The following CIMAP1D variants were observed in gnomAD, a reference collection of about 807,000 sequenced individuals.
CIMAP1D encodes CIMAP1 family member D.
the CIMAP1D span, among the ~76,000 whole-genome samples, chr19:482,858 C>T: frequency 1.3e-5 from 2 of 152,158 alleles, no homozygotes; most frequent in African/African-American, 4.8e-5. Context: ...AGCCCCGCCC[C>T]TCGACGGGCA....
the CIMAP1D span, among the ~76,000 whole-genome samples, chr19:476,946 C>CCTGT: frequency 6.6e-6 from 1 of 152,108 alleles, no homozygotes; most frequent in African/African-American, 2.4e-5. Context: ...GCGGCTCACA[C>CCTGT]CTGTAATCCC....
chr19:466,016 G>A, the CIMAP1D span, among the ~76,000 whole-genome samples: 2 of 147,998 alleles, frequency 1.4e-5, no homozygotes, highest in African/African-American at 5.2e-5. Flanking sequence ...CTGGAAGGAC[G>A]GGTGGATAGA....
chr19:491,598 G>C, the CIMAP1D span, among the ~76,000 whole-genome samples: 3 of 151,792 alleles, frequency 2.0e-5, no homozygotes, highest in Non-Finnish European at 1.5e-5. Context: ...CAGGGCCCCA[G>C]GCCTCGCCGC....
At chr19:484,866 G>A in the CIMAP1D span, among the ~76,000 whole-genome samples, 3 of 152,286 alleles carry the variant, frequency 2.0e-5, no homozygotes, top group African/African-American at 7.2e-5. Context: ...GGCCTCTGCT[G>A]GAGCAGAGGA....
chr19:473,077 G>A, the CIMAP1D span, among the ~76,000 whole-genome samples: 30 of 119,238 alleles, frequency 2.5e-4, no homozygotes, highest in South Asian at 8.1e-4. Context: ...CAGATGGGGA[G>A]ACTGAGGCCC....
the CIMAP1D span, among the ~76,000 whole-genome samples, chr19:480,219 G>A: frequency 2.6e-5 from 4 of 152,270 alleles, no homozygotes; most frequent in Non-Finnish European, 4.4e-5. Context: ...CGAGGCCCGT[G>A]CAGCTGGAGC....
the CIMAP1D span, chr19:475,099 G>A: frequency 4.5e-6 from 1 of 224,526 alleles, no homozygotes; most frequent in Non-Finnish European, 8.7e-6. Context: ...AACTAGACCT[G>A]CAAACATGAC....
At chr19:473,315 A>G in the CIMAP1D span, among the ~76,000 whole-genome samples, 3 of 20,748 alleles carry the variant, frequency 1.4e-4, no homozygotes, top group African/African-American at 1.8e-3. Context: ...GCAGAGATAC[A>G]TGGTCACAGA....
At chr19:483,234 C>A in the CIMAP1D span, among the ~76,000 whole-genome samples, 1 of 151,714 alleles carries the variant, frequency 6.6e-6, no homozygotes, top group Non-Finnish European at 1.5e-5. Context: ...CAGCCACGGC[C>A]CAGTCCAGGG....
chr19:469,747 C>A, the CIMAP1D span, among the ~76,000 whole-genome samples: 7 of 152,216 alleles, frequency 4.6e-5, no homozygotes, highest in South Asian at 1.5e-3. Flanking sequence ...CGCCCCTCCA[C>A]AGATGCCTGG....
chr19:464,890 TGATGGATGGATGGATG>T, the CIMAP1D span, among the ~76,000 whole-genome samples: 4 of 148,184 alleles, frequency 2.7e-5, no homozygotes, highest in South Asian at 2.2e-4. Context: ...GATGAGTGGA[TGATGGATGGATGGATG>T]GATGGATGGA....
At chr19:481,770 CTTTTTTTTT>C in the CIMAP1D span, among the ~76,000 whole-genome samples, 3 of 106,774 alleles carry the variant, frequency 2.8e-5, no homozygotes, top group African/African-American at 6.6e-5. Context: ...GAACCTCCTA[CTTTTTTTTT>C]TTTTTTTTTT....
the CIMAP1D span, among the ~76,000 whole-genome samples, chr19:480,901 G>C: frequency 2.1e-5 from 3 of 141,534 alleles, no homozygotes; most frequent in Admixed American, 7.1e-5. Context: ...TGATGGAGAA[G>C]GAATGTGGGA....
At chr19:485,615 C>A in the CIMAP1D span, among the ~76,000 whole-genome samples, 7 of 152,236 alleles carry the variant, frequency 4.6e-5, no homozygotes, top group African/African-American at 7.2e-5. Flanking sequence ...GATCCTCCCA[C>A]CTCAGCCCCC....
chr19:472,120 T>C, the CIMAP1D span, among the ~76,000 whole-genome samples: 13 of 152,338 alleles, frequency 8.5e-5, no homozygotes, highest in East Asian at 1.3e-3. Context: ...CAGCAAGGAA[T>C]TGCAAACACG....
At chr19:485,285 C>A in the CIMAP1D span, among the ~76,000 whole-genome samples, 1 of 152,218 alleles carries the variant, frequency 6.6e-6, no homozygotes, top group African/African-American at 2.4e-5. Context: ...CACACACACG[C>A]GTGCTCACAT....
At chr19:464,256 G>T in the CIMAP1D span, 1 of 1,536,132 alleles carries the variant, frequency 6.5e-7, no homozygotes, top group Admixed American at 2.2e-5. Flanking sequence ...GGTGTCCAGG[G>T]GCTTCAGGGG....
chr19:476,709 A>G, the CIMAP1D span, among the ~76,000 whole-genome samples: 14 of 152,202 alleles, frequency 9.2e-5, no homozygotes, highest in African/African-American at 2.7e-4. Context: ...AATAGAAATC[A>G]CCAACAATAC....
At chr19:469,220 A>ATTTT in the CIMAP1D span, among the ~76,000 whole-genome samples, 71 of 147,328 alleles carry the variant, frequency 4.8e-4, no homozygotes, top group East Asian at 2.7e-3. Context: ...GGCTGGGGAG[A>ATTTT]TTCTTTTTTT....
Sources: gnomAD v4.1 joint callset for allele counts (sites outside exome capture counted in the v4.1 genomes callset) on GRCh38, gnomAD v4.1.1 for gene constraint, MANE v1.5 for transcripts, NCBI Gene and HGNC (gene_info 2026-07-23, HGNC 2026-07-21) for gene names.